Variants in PHYKPL observed in about 807,000 individuals in gnomAD.
The protein encoded by PHYKPL is 5-phosphonooxy-L-lysine phospho-lyase.
In PHYKPL, 42 loss-of-function variants were observed where a neutral mutation model predicts 51.3. The observed-to-expected ratio is 0.82, with a 90% CI of 0.64 to 1.06. The LOEUF is 1.06. Ranked by LOEUF, PHYKPL falls within the 50% of genes least tolerant of loss-of-function variation. PHYKPL has a pLI of 0.00. For missense variants in PHYKPL, 655 were observed against 586.6 expected, an observed-to-expected ratio of 1.12 and a Z score of -1.20; for synonymous variants, 264 against 236.0, an observed-to-expected ratio of 1.12 and a Z score of -1.09.
At chr5:178,212,946 A>G in intron 11 of PHYKPL, 27 bp downstream of exon 11, 5 of 1,612,820 alleles carry the variant, frequency 3.1e-6, no homozygotes, top group Non-Finnish European at 4.2e-6. Context: ...TTCTAGAGAT[A>G]TGGCCAAGCT....
chr5:178,219,463 T>A lies in PHYKPL; in HGVS notation c.927+2892A>T, dbSNP rs528463241. 5.9e-5 allele frequency among the ~76,000 whole-genome samples: 9 copies of A among 151,844 alleles called. No homozygotes were observed. In the East Asian group the frequency reaches 1.7e-3, roughly 29 times the overall value. ...AGACACAAATAGGCATTTTTTTTTT[T>A]TTTTCTTTGAGATGGAGTCTCTGTC... On this transcript the variant is annotated intron_variant, in intron 8 of 12. Transcript: ENST00000308158.
At chr5:178,229,365 C>T (rs1665957871) in intron 3 of PHYKPL, among the ~76,000 whole-genome samples, 1 of 152,166 alleles carries the variant, frequency 6.6e-6, no homozygotes, top group African/African-American at 2.4e-5. Flanking sequence ...ACCTCGATCT[C>T]CCGAAGTGCT....
chr5:178,229,897 ACCGTCTCACCCTCTT>A (rs1176825008), intron 3 of PHYKPL, 28 bp downstream of exon 3: 4 of 1,598,458 alleles, frequency 2.5e-6, no homozygotes, highest in Non-Finnish European at 3.4e-6. Context: ...TGTCTTTGTT[ACCGTCTCACCCTCTT>A]CCCGGGGGCT....
intron 12 of PHYKPL, 35 bp from the exon 13 acceptor site, chr5:178,208,950 C>CT (rs1436198837): frequency 2.1e-5 from 4 of 187,858 alleles, no homozygotes; most frequent in Non-Finnish European, 3.4e-5. Flanking sequence ...ACCTCATTGT[C>CT]TAAGGCCCCT....
At chr5:178,223,206 C>A in intron 6 of PHYKPL, 1 of 460,262 alleles carries the variant, frequency 2.2e-6, no homozygotes, top group Non-Finnish European at 4.1e-6. Context: ...AGTTCCTTCC[C>A]TGTCCCCCAT....
chr5:178,212,061 T>C lies in PHYKPL; in HGVS notation c.1304-91A>G, dbSNP rs945269554. ...TCAGTGTCCAAACTGGAGGACAGTT[T>C]AGAGATTGGGCCCTCTGGCTATCCA... On this transcript the variant is annotated intron_variant, in intron 11 of 12. Transcript: ENST00000308158. 7.8e-6 allele frequency: 11 copies of C among 1,410,130 alleles called. No homozygotes were observed. In the South Asian group the frequency reaches 1.1e-4, roughly 14 times the overall value. 87.4% of individuals were successfully genotyped at this position (1,410,130 alleles called of 1,614,324 possible). A position where few individuals can be genotyped will look rare whatever the true frequency, so the allele number is the denominator to read the frequency against.
intron 12 of PHYKPL, 124 bp downstream of exon 12, chr5:178,211,766 G>A (rs970144838): frequency 3.1e-6 from 2 of 648,056 alleles, no homozygotes; most frequent in Admixed American, 2.8e-5. Context: ...CTAACCTTTG[G>A]GAAGGAGCAT....
chr5:178,227,236 G>C (rs1242152542), intron 3 of PHYKPL, among the ~76,000 whole-genome samples: 2 of 152,022 alleles, frequency 1.3e-5, no homozygotes, highest in Admixed American at 6.5e-5. Context: ...GACACACAAA[G>C]AGACACCAGG....
At chr5:178,218,023 C>T (rs1760234361) in intron 8 of PHYKPL, among the ~76,000 whole-genome samples, 1 of 146,048 alleles carries the variant, frequency 6.8e-6, no homozygotes, top group Admixed American at 6.8e-5. Flanking sequence ...CGAGACCATC[C>T]TGGCTAACAC....
intron 4 of PHYKPL, chr5:178,224,946 A>G: frequency 1.8e-6 from 1 of 565,682 alleles, no homozygotes. Flanking sequence ...TCATCATTTA[A>G]TCTCTCTCGG....
chr5:178,218,201 A>G (rs1171598551), intron 8 of PHYKPL, among the ~76,000 whole-genome samples: 1 of 117,058 alleles, frequency 8.5e-6, no homozygotes, highest in Non-Finnish European at 1.7e-5. Flanking sequence ...TGGGTGACAG[A>G]GCGAAACTCC....
intron 12 of PHYKPL, chr5:178,209,241 C>A: frequency 2.0e-6 from 2 of 1,014,508 alleles, no homozygotes; most frequent in Non-Finnish European, 3.1e-6. Flanking sequence ...CCTGATCCAC[C>A]ATTTGATGTT....
chr5:178,232,462 C>G (rs138665724), intron 1 of PHYKPL, 30 bp downstream of exon 1: 46 of 1,358,504 alleles, frequency 3.4e-5, no homozygotes, highest in Non-Finnish European at 4.2e-5. Context: ...CAGCCCCGCG[C>G]CCCCCGCCGC....
At chr5:178,232,459 G>GCGACCCCCGCCGCC in intron 1 of PHYKPL, 33 bp downstream of exon 1, 1 of 1,373,020 alleles carries the variant, frequency 7.3e-7, no homozygotes, top group African/African-American at 1.5e-5. Flanking sequence ...GCGCAGCCCC[G>GCGACCCCCGCCGCC]CGCCCCCCGC....
chr5:178,213,166 C>T (rs1758997565), intron 10 of PHYKPL, 63 bp from the exon 11 acceptor site: 2 of 1,591,766 alleles, frequency 1.3e-6, no homozygotes, highest in East Asian at 2.2e-5. Context: ...GCCTTGGCCT[C>T]ATGTCCAGTG....
At chr5:178,211,392 G>T (rs935398647) in intron 12 of PHYKPL, 1 of 157,308 alleles carries the variant, frequency 6.4e-6, no homozygotes, top group Non-Finnish European at 1.4e-5. Flanking sequence ...GCAGTGATGA[G>T]GGCTTACATC....
rs774564514 is a variant in PHYKPL at position 178,224,542 on chromosome 5, C to T, written c.524G>A (p.Arg175Gln). 30 of 1,614,184 alleles carry T rather than the reference C, an allele frequency of 1.9e-5. No homozygotes were observed. The highest frequency in any genetic ancestry group is 8.3e-5 in the Admixed American group (5 of 60,028). ...VHVAPLPDTY[R>Q]GPYREDHPNP... ...GGGGTGGTCCTCCCGGTAGGGGCCCCGGTAGGTGTCTGGGAGAGGTGCCTG... is the reference window on the plus strand; with the variant it reads ...GGGGTGGTCCTCCCGGTAGGGGCCCTGGTAGGTGTCTGGGAGAGGTGCCTG... The change falls in exon 6 of 13, where the codon CGG becomes CAG. Residue 175 changes from arginine to glutamine, a missense_variant. Arg to Gln is a conservative substitution (Grantham distance 43, BLOSUM62 1). Coordinates refer to ENST00000308158, the MANE Select transcript of PHYKPL (RefSeq NM_153373.4).
intron 1 of PHYKPL, chr5:178,232,169 G>A (rs1441232080): frequency 3.3e-6 from 4 of 1,220,634 alleles, no homozygotes; most frequent in African/African-American, 3.1e-5. Context: ...CCAGGGTGAA[G>A]GTCTTCTCCG....
chr5:178,222,824 C>G (rs1012804705), intron 7 of PHYKPL, 28 bp downstream of exon 7: 5 of 1,611,678 alleles, frequency 3.1e-6, no homozygotes, highest in African/African-American at 1.3e-5. Context: ...CCTGCCCTCC[C>G]TAGAGCAGAC....
Sources: allele counts gnomAD v4.1 joint callset (sites outside exome capture counted in the v4.1 genomes callset), GRCh38; gene constraint gnomAD v4.1.1; transcripts MANE v1.5; gene names NCBI Gene and HGNC (gene_info 2026-07-23, HGNC 2026-07-21).